Variants in PDZRN3 observed in about 807,000 individuals in gnomAD.
PDZRN3 encodes PDZ domain containing ring finger 3, also known as E3 ubiquitin-protein ligase PDZRN3.
In PDZRN3, 38 loss-of-function variants were observed where a neutral mutation model predicts 85.7. The ratio of observed to expected loss-of-function variants is 0.44; its 90% CI spans 0.34 to 0.58. The LOEUF (loss-of-function observed/expected upper bound fraction) is 0.58. Ranked by LOEUF, PDZRN3 falls within the 20% of genes least tolerant of loss-of-function variation. The pLI is 0.01. For synonymous variants in PDZRN3, 759 were observed against 638.0 expected (o/e 1.19, Z -2.86); for missense variants, 1,629 against 1,506.4 (o/e 1.08, Z -1.35).
Position 73,390,007 on chromosome 3 carries a change from A to G in PDZRN3, c.1354-129T>C, listed in dbSNP as rs563471484. 47 of 736,494 alleles carry G rather than the reference A, an allele frequency of 6.4e-5. No individual in the cohort carries two copies. The African/African-American group carries it at 7.0e-4, about 11-fold the overall frequency. The allele number at this position is 736,494 out of a possible 1,614,324, so 45.6% of individuals were successfully genotyped here. On this transcript the variant is annotated intron_variant, in intron 6 of 9. Coordinates refer to ENST00000263666, the MANE Select transcript of PDZRN3 (RefSeq NM_015009.3). ...GTTTCTGTTTTGCACAGAAATAAAC[A>G]AGACTTAGTGTCGTGCAAGGAGAGG... is the stretch of plus-strand genomic sequence containing the variant.
chr3:73,594,887 GAC>G (rs1289184243), intron 3 of PDZRN3, among the ~76,000 whole-genome samples: 1 of 152,158 alleles, frequency 6.6e-6, no homozygotes, highest in East Asian at 1.9e-4. Context: ...CTAGTGAAAA[GAC>G]AGTCATTACT....
intron 3 of PDZRN3, among the ~76,000 whole-genome samples, chr3:73,447,962 C>T (rs370444438): frequency 6.6e-6 from 1 of 152,170 alleles, no homozygotes; most frequent in Admixed American, 6.5e-5. Flanking sequence ...TATAGATATG[C>T]CCTAAATATC....
intron 3 of PDZRN3, among the ~76,000 whole-genome samples, chr3:73,584,299 G>GATCAATAGAGA (rs1702244656): frequency 6.6e-6 from 1 of 152,154 alleles, no homozygotes; most frequent in African/African-American, 2.4e-5. Flanking sequence ...GGAAAAAAAT[G>GATCAATAGAGA]ATCAATAGAG....
chr3:73,445,609 C>A (rs984334044), intron 3 of PDZRN3, among the ~76,000 whole-genome samples: 1 of 152,146 alleles, frequency 6.6e-6, no homozygotes, highest in African/African-American at 2.4e-5. Flanking sequence ...AAGTAAACAC[C>A]ATTATGACCA....
At chr3:73,418,803 C>T (rs1206190676) in intron 3 of PDZRN3, among the ~76,000 whole-genome samples, 1 of 152,208 alleles carries the variant, frequency 6.6e-6, no homozygotes, top group African/African-American at 2.4e-5. Flanking sequence ...ACAGGGGACA[C>T]AGAAGAGACA....
chr3:73,542,145 A>G (rs1704939357), intron 3 of PDZRN3, among the ~76,000 whole-genome samples: 1 of 152,212 alleles, frequency 6.6e-6, no homozygotes, highest in African/African-American at 2.4e-5. Context: ...AACCTAAGGA[A>G]AAAAGTACAC....
intron 3 of PDZRN3, among the ~76,000 whole-genome samples, chr3:73,576,554 T>C (rs1362050603): frequency 1.3e-5 from 2 of 152,216 alleles, no homozygotes; most frequent in Non-Finnish European, 2.9e-5. Context: ...AAACAAGTTT[T>C]CAGGGTGATG....
chr3:73,512,228 C>T (rs748997457), intron 3 of PDZRN3, among the ~76,000 whole-genome samples: 12 of 152,190 alleles, frequency 7.9e-5, no homozygotes, highest in Non-Finnish European at 1.6e-4. Context: ...CTTTGTAAGC[C>T]CATCACAGCA....
intron 3 of PDZRN3, among the ~76,000 whole-genome samples, chr3:73,416,876 GTTTTTTTTTTTTTTTTTTTTT>G (rs146381615): frequency 1.8e-5 from 2 of 110,406 alleles, no homozygotes; most frequent in South Asian, 3.1e-4. Flanking sequence ...TTTTTTTTTG[GTTTTTTTTTTTTTTTTTTTTT>G]TTTTTTTTTT....
intron 3 of PDZRN3, among the ~76,000 whole-genome samples, chr3:73,450,727 A>G (rs1559686100): frequency 1.3e-5 from 2 of 152,190 alleles, no homozygotes; most frequent in Admixed American, 6.5e-5. Context: ...GAAGAGGAGG[A>G]AAACCATCCA....
intron 3 of PDZRN3, among the ~76,000 whole-genome samples, chr3:73,525,526 A>G (rs1293822776): frequency 1.3e-5 from 2 of 152,230 alleles, no homozygotes; most frequent in African/African-American, 2.4e-5. Context: ...AAATTTGAAC[A>G]TATGTAACAA....
intron 3 of PDZRN3, among the ~76,000 whole-genome samples, chr3:73,578,926 C>G (rs566423612): frequency 4.6e-5 from 7 of 152,306 alleles, no homozygotes; most frequent in Admixed American, 3.3e-4. Context: ...TTCCTCTTAG[C>G]CGGTCCCTAC....
chr3:73,578,204 C>A (rs1479093340), intron 3 of PDZRN3, among the ~76,000 whole-genome samples: 1 of 145,156 alleles, frequency 6.9e-6, no homozygotes. Context: ...CGCTCTGTTG[C>A]CCAGGCTGGA....
At chr3:73,423,900 A>C (rs554279380) in intron 3 of PDZRN3, among the ~76,000 whole-genome samples, 49 of 152,198 alleles carry the variant, frequency 3.2e-4, no homozygotes, top group Non-Finnish European at 6.8e-4. Flanking sequence ...TGGAATTACA[A>C]AGAATGTTAC....
chr3:73,389,708 CCT>C, intron 7 of PDZRN3, 106 bp downstream of exon 7: 2 of 806,180 alleles, frequency 2.5e-6, no homozygotes, highest in East Asian at 2.5e-5. Flanking sequence ...GTTTGTGATC[CCT>C]GTTCTTTAAC....
intron 1 of PDZRN3, among the ~76,000 whole-genome samples, chr3:73,621,333 C>A (rs1273020521): frequency 6.6e-6 from 1 of 152,222 alleles, no homozygotes. Context: ...TGCTGAAGAG[C>A]TGGTACTGAA....
chr3:73,483,011 A>T (rs1703594904), intron 3 of PDZRN3, among the ~76,000 whole-genome samples: 1 of 152,256 alleles, frequency 6.6e-6, no homozygotes, highest in African/African-American at 2.4e-5. Context: ...AGTGCCTTAG[A>T]GAACAGAAGA....
Position 73,384,283 on chromosome 3 carries a change from G to T in PDZRN3, c.2283C>A (p.Gly761=), listed in dbSNP as rs1442375000. The T allele has an allele frequency of 1.2e-6, 2 of 1,612,854 alleles. No individual in the cohort carries two copies. Among genetic ancestry groups the T allele is most frequent in the Non-Finnish European group, 1.7e-6 (2 of 1,179,974 alleles). Residue 761 remains glycine (G), a synonymous_variant, in exon 10 of 10, where the codon GGC becomes GGA. Coordinates refer to ENST00000263666, the MANE Select transcript of PDZRN3 (RefSeq NM_015009.3). ...DKDSSSAYNT[G]ESCRSTPLTL... Reference sequence around the variant, plus strand: ...TGAGCGGGGTGCTGCGGCAGCTCTCGCCTGTGTTGTAGGCGCTCGAGCTGT... The same window carrying T: ...TGAGCGGGGTGCTGCGGCAGCTCTCTCCTGTGTTGTAGGCGCTCGAGCTGT...
intron 3 of PDZRN3, among the ~76,000 whole-genome samples, chr3:73,479,236 A>T (rs1703514805): frequency 6.6e-6 from 1 of 152,172 alleles, no homozygotes; most frequent in Non-Finnish European, 1.5e-5. Flanking sequence ...CACTCTGAGC[A>T]TCCATGCTCT....
Sources: gnomAD v4.1 joint callset for allele counts (sites outside exome capture counted in the v4.1 genomes callset) on GRCh38, gnomAD v4.1.1 for gene constraint, MANE v1.5 for transcripts, NCBI Gene and HGNC (gene_info 2026-07-23, HGNC 2026-07-21) for gene names.